DCC: variants seen among roughly 807,000 people sequenced by gnomAD.
DCC encodes the protein DCC netrin 1 receptor, also known as netrin receptor DCC.
Under a neutral mutation model 172.5 loss-of-function variants are expected in DCC, and 58 were observed. The observed-to-expected ratio is 0.34, with a 90% CI of 0.27 to 0.42. The LOEUF is 0.42. DCC is among the 10% of genes least tolerant of loss of function. The pLI, the probability that DCC is intolerant of heterozygous loss-of-function variation, is 1.00. For missense variants in DCC, 1,740 were observed against 1,791.0 expected, an observed-to-expected ratio of 0.97 and a Z score of 0.51; for synonymous variants, 709 against 644.5, an observed-to-expected ratio of 1.10 and a Z score of -1.52.
intron 15 of DCC, among the ~76,000 whole-genome samples, chr18:53,381,635 A>G (rs2144982706): frequency 7.7e-6 from 1 of 129,584 alleles, no homozygotes; most frequent in South Asian, 2.4e-4. Context: ...TGACGGCTTG[A>G]CTATGGAAGA....
At position 53,435,191 on chromosome 18, in the gene DCC, G is replaced by T. The variant is rs771880633; in HGVS notation, c.3211G>T (p.Asp1071Tyr). The change falls in exon 22 of 29, where the codon GAT becomes TAT. Residue 1071 changes from aspartate (D) to tyrosine (Y), a missense_variant. Asp to Tyr is a radical substitution (Grantham distance 160). Transcript: ENST00000442544. The stretch of plus-strand genomic sequence containing the variant: ...TTGGCCAGTTGATACTAATTTGATT[G>T]ATAGAAGCACCCTAAATGGTAAGTA... Reference protein sequence around the residue: ...GYWPVDTNLIDRSTLNEPPIG... With the variant: ...GYWPVDTNLIYRSTLNEPPIG... 1 of 1,603,234 alleles carries T rather than the reference G, an allele frequency of 6.2e-7. No individual in the cohort carries two copies. Among genetic ancestry groups the T allele is most frequent in the Non-Finnish European group, 8.5e-7 (1 of 1,170,300 alleles).
intron 1 of DCC, among the ~76,000 whole-genome samples, chr18:52,697,741 T>A (rs2036037819): frequency 6.6e-6 from 1 of 152,216 alleles, no homozygotes; most frequent in Non-Finnish European, 1.5e-5. Context: ...GTAAATGCCA[T>A]ACTTCTAAAC....
At chr18:52,375,572 C>G (rs748350241) in intron 1 of DCC, among the ~76,000 whole-genome samples, 50 of 152,220 alleles carry the variant, frequency 3.3e-4, no homozygotes, top group Non-Finnish European at 5.1e-4. Context: ...ATCATGTCTC[C>G]GTGGACCAGC....
At chr18:52,521,348 A>G (rs1224606228) in intron 1 of DCC, among the ~76,000 whole-genome samples, 1 of 152,202 alleles carries the variant, frequency 6.6e-6, no homozygotes, top group East Asian at 1.9e-4. Context: ...TGTTTTAGTC[A>G]TCTTGGGCTG....
At chr18:53,344,291 A>G (rs187146656) in intron 15 of DCC, among the ~76,000 whole-genome samples, 47 of 151,884 alleles carry the variant, frequency 3.1e-4, no homozygotes, top group Admixed American at 2.6e-3. Context: ...TTGTATTTTT[A>G]TTACCATTTA....
intron 12 of DCC, among the ~76,000 whole-genome samples, chr18:53,258,047 C>T (rs1048001569): frequency 1.1e-4 from 16 of 152,058 alleles, no homozygotes; most frequent in South Asian, 4.2e-4. Flanking sequence ...TCTGTGGGAT[C>T]GGTGGTGATA....
chr18:52,401,541 C>T lies in DCC; in HGVS notation c.91+60663C>T, dbSNP rs140982488. Among the ~76,000 whole-genome samples the T allele has an allele frequency of 2.0e-3, 299 of 152,156 alleles. 3 individuals carry two copies. Among genetic ancestry groups the T allele is most frequent in the South Asian group, 0.014 (68 of 4,830 alleles). On this transcript the variant is annotated intron_variant, in intron 1 of 28. Coordinates refer to ENST00000442544, the MANE Select transcript of DCC (RefSeq NM_005215.4). ...TTCTAGAAATTACTGACTTAATTGA[C>T]TCAGTCTACAGCTACATGTAGAGCA...
chr18:52,571,694 C>T (rs1048634257), intron 1 of DCC, among the ~76,000 whole-genome samples: 1 of 152,130 alleles, frequency 6.6e-6, no homozygotes, highest in Non-Finnish European at 1.5e-5. Flanking sequence ...GCTGCTGAGA[C>T]AGTGGAGGCT....
chr18:53,431,598 C>A (rs921188008), intron 21 of DCC, among the ~76,000 whole-genome samples: 4 of 151,940 alleles, frequency 2.6e-5, no homozygotes, highest in Non-Finnish European at 5.9e-5. Flanking sequence ...AGCAATTTTG[C>A]CTCCACCTCC....
At chr18:53,275,691 A>G (rs1168308519) in intron 12 of DCC, among the ~76,000 whole-genome samples, 1 of 152,104 alleles carries the variant, frequency 6.6e-6, no homozygotes, top group Non-Finnish European at 1.5e-5. Flanking sequence ...GCACTAGGAA[A>G]TATCTCTTAT....
chr18:52,815,579 A>G (rs1236673774), intron 2 of DCC, among the ~76,000 whole-genome samples: 1 of 152,120 alleles, frequency 6.6e-6, no homozygotes. Flanking sequence ...GGACTTCCAG[A>G]GCTGTGAGAA....
rs1196679797 is a variant in DCC, at chr18:52,453,531, C to A, written c.91+112653C>A. On this transcript the variant is annotated intron_variant, in intron 1 of 28. Coordinates refer to ENST00000442544, the MANE Select transcript of DCC (RefSeq NM_005215.4). Reference sequence around the variant, plus strand: ...TACAAGATAAATGATTATAGCCTGGCTTTATTAATTAAGCATGCATTTCTG... The same window carrying A: ...TACAAGATAAATGATTATAGCCTGGATTTATTAATTAAGCATGCATTTCTG... Among the ~76,000 whole-genome samples the A allele has an allele frequency of 3.3e-5, 5 of 152,248 alleles. No individual in the cohort carries two copies. The East Asian group carries it at 9.7e-4, about 29-fold the overall frequency.
In DCC at chr18:53,507,892, CTT is replaced by C. The variant is rs780896758; in HGVS notation, c.4111+8400_4111+8401del. Among the ~76,000 whole-genome samples, 694 of 130,936 alleles carry C rather than the reference CTT, an allele frequency of 5.3e-3. 7 individuals are homozygous for C. Among genetic ancestry groups the C allele is most frequent in the African/African-American group, 0.02 (655 of 32,780 alleles). 85.9% of individuals were successfully genotyped at this position (130,936 alleles called of 152,430 possible). On this transcript the variant is annotated intron_variant, in intron 27 of 28. Transcript: ENST00000442544. Reference sequence around the variant, plus strand: ...AGTAAGAATTTTCTAACAGATACCACTTTTTTTTTTTTTTTTTTTGAGATGGA... The same window carrying C: ...AGTAAGAATTTTCTAACAGATACCACTTTTTTTTTTTTTTTTTGAGATGGA...
intron 2 of DCC, among the ~76,000 whole-genome samples, chr18:52,853,720 A>G (rs1375025894): frequency 6.6e-6 from 1 of 152,204 alleles, no homozygotes; most frequent in Admixed American, 6.5e-5. Flanking sequence ...TCACTACTTC[A>G]GGCTCTCACT....
At chr18:53,397,264 A>T (rs1341337328) in intron 17 of DCC, 44 bp from the exon 18 acceptor site, 10 of 1,577,050 alleles carry the variant, frequency 6.3e-6, no homozygotes, top group Non-Finnish European at 8.7e-6. Context: ...TACCAAGTTG[A>T]TAGAGTTTAT....
chr18:53,076,895 T>C (rs2042731683), intron 7 of DCC, among the ~76,000 whole-genome samples: 1 of 152,120 alleles, frequency 6.6e-6, no homozygotes, highest in Non-Finnish European at 1.5e-5. Context: ...AGAAACCATG[T>C]AGGATTAGAG....
At chr18:53,317,716 G>A (rs934838935) in intron 13 of DCC, among the ~76,000 whole-genome samples, 1 of 152,046 alleles carries the variant, frequency 6.6e-6, no homozygotes, top group African/African-American at 2.4e-5. Context: ...CGGGCAGGGG[G>A]CATATGTGTC....
At chr18:52,645,493 T>C (rs998683707) in intron 1 of DCC, among the ~76,000 whole-genome samples, 2 of 152,124 alleles carry the variant, frequency 1.3e-5, no homozygotes, top group Admixed American at 6.6e-5. Context: ...TTACTAGATC[T>C]GAAAATTTTA....
chr18:52,568,970 C>T (rs964483312), intron 1 of DCC, among the ~76,000 whole-genome samples: 12 of 152,122 alleles, frequency 7.9e-5, no homozygotes, highest in African/African-American at 2.9e-4. Context: ...ATATATATCT[C>T]CCATTGATTG....
Sources: allele counts gnomAD v4.1 joint callset (sites outside exome capture counted in the v4.1 genomes callset), GRCh38; gene constraint gnomAD v4.1.1; transcripts MANE v1.5; gene names NCBI Gene and HGNC (gene_info 2026-07-23, HGNC 2026-07-21).